The following LTBP1 variants were observed in gnomAD, a reference collection of about 807,000 sequenced individuals.
LTBP1 encodes the protein latent-transforming growth factor beta-binding protein 1.
LTBP1 carries 129 observed loss-of-function variants against 207.6 expected under a neutral mutation model. The observed-to-expected ratio is 0.62, with a 90% CI of 0.54 to 0.72. The LOEUF is 0.72. Ranked by LOEUF, LTBP1 falls within the 30% of genes least tolerant of loss-of-function variation. The probability of loss-of-function intolerance (pLI) is 0.00; values close to 1 mark genes in which losing one functional copy is unlikely to be tolerated. For synonymous variants in LTBP1, 963 were observed against 833.7 expected, an observed-to-expected ratio of 1.16 and a Z score of -2.67; for missense variants, 2,281 against 2,217.2, an observed-to-expected ratio of 1.03 and a Z score of -0.58.
At chr2:33,040,726 G>T (rs2076142727) in intron 3 of LTBP1, among the ~76,000 whole-genome samples, 1 of 152,220 alleles carries the variant, frequency 6.6e-6, no homozygotes, top group Non-Finnish European at 1.5e-5. Context: ...ACATTCAGAT[G>T]ATTGAACTAT....
At chr2:33,375,113 C>T (rs780602011) in intron 31 of LTBP1, among the ~76,000 whole-genome samples, 18 of 152,132 alleles carry the variant, frequency 1.2e-4, no homozygotes, top group Non-Finnish European at 2.4e-4. Context: ...TAATGTGATC[C>T]GTATGTTAAT....
intron 5 of LTBP1, among the ~76,000 whole-genome samples, chr2:33,186,074 TC>T (rs1312617449): frequency 6.6e-6 from 1 of 152,172 alleles, no homozygotes; most frequent in Non-Finnish European, 1.5e-5. Flanking sequence ...ATAAGTTAAT[TC>T]CAAACTAATT....
At chr2:32,978,562 A>G (rs911613050) in intron 2 of LTBP1, among the ~76,000 whole-genome samples, 1 of 151,790 alleles carries the variant, frequency 6.6e-6, no homozygotes, top group Non-Finnish European at 1.5e-5. Context: ...CTTGGTCATG[A>G]TGAATGATCT....
intron 2 of LTBP1, among the ~76,000 whole-genome samples, chr2:32,980,114 A>G (rs374569603): frequency 3.3e-5 from 5 of 151,570 alleles, no homozygotes; most frequent in African/African-American, 1.2e-4. Context: ...TTTTAAATGC[A>G]TTTAACCACT....
At chr2:33,057,449 C>T (rs901520062) in intron 3 of LTBP1, among the ~76,000 whole-genome samples, 9 of 152,240 alleles carry the variant, frequency 5.9e-5, no homozygotes, top group South Asian at 2.1e-4. Context: ...CTTGGGCAGT[C>T]GATGGGACTG....
intron 3 of LTBP1, among the ~76,000 whole-genome samples, chr2:33,064,405 G>T (rs554702911): frequency 6.6e-6 from 1 of 152,266 alleles, no homozygotes; most frequent in African/African-American, 2.4e-5. Flanking sequence ...GAAGACAGGA[G>T]AATCCTGGGT....
intron 5 of LTBP1, among the ~76,000 whole-genome samples, chr2:33,151,514 C>T (rs1365968450): frequency 6.6e-6 from 1 of 151,838 alleles, no homozygotes; most frequent in African/African-American, 2.4e-5. Flanking sequence ...TATTTGGTTG[C>T]ACGAGTAAGT....
At chr2:33,338,409 G>A (rs12624081) in intron 24 of LTBP1, among the ~76,000 whole-genome samples, 61,216 of 152,052 alleles carry the variant, frequency 0.4, 12,736 homozygotes, top group Non-Finnish European at 0.43. Flanking sequence ...TGTTCCTTCA[G>A]GAATCTGGAC....
At chr2:33,149,324 C>G (rs1426743168) in intron 5 of LTBP1, among the ~76,000 whole-genome samples, 1 of 151,544 alleles carries the variant, frequency 6.6e-6, no homozygotes, top group African/African-American at 2.4e-5. Context: ...TTGAGAAGGC[C>G]TGCTCCTTAG....
intron 15 of LTBP1, among the ~76,000 whole-genome samples, chr2:33,266,886 C>CAA (rs1189800648): frequency 1.4e-4 from 22 of 152,288 alleles, no homozygotes; most frequent in East Asian, 1.4e-3. Context: ...AGCTATGACA[C>CAA]AAACGGGGCT....
chr2:33,331,354 G>T (rs982106487), intron 24 of LTBP1, among the ~76,000 whole-genome samples: 3 of 151,328 alleles, frequency 2.0e-5, no homozygotes, highest in Non-Finnish European at 3.0e-5. Context: ...GTATTTATAG[G>T]TATATATTTC....
intron 9 of LTBP1, among the ~76,000 whole-genome samples, chr2:33,242,946 C>A (rs985745060): frequency 1.3e-5 from 2 of 152,120 alleles, no homozygotes; most frequent in Admixed American, 1.3e-4. Context: ...CTGAATTGTA[C>A]CAGCTCTGTT....
At chr2:33,125,570 C>T (rs548053938) in intron 4 of LTBP1, among the ~76,000 whole-genome samples, 11 of 152,082 alleles carry the variant, frequency 7.2e-5, no homozygotes, top group Admixed American at 4.6e-4. Context: ...CGGTGGCTCA[C>T]GCTTGTAATC....
intron 26 of LTBP1, among the ~76,000 whole-genome samples, chr2:33,352,948 G>A (rs1341651330): frequency 6.8e-6 from 1 of 146,818 alleles, no homozygotes; most frequent in African/African-American, 2.5e-5. Flanking sequence ...TGCCTACTGT[G>A]CCCTCCCCCT....
At chr2:33,123,318 GT>G (rs1183177417) in intron 4 of LTBP1, among the ~76,000 whole-genome samples, 13 of 152,198 alleles carry the variant, frequency 8.5e-5, no homozygotes, top group African/African-American at 3.1e-4. Context: ...TTCACCTTCA[GT>G]CAGTGAGTGT....
At chr2:32,955,584 C>G (rs1244755806) in intron 2 of LTBP1, among the ~76,000 whole-genome samples, 2 of 151,644 alleles carry the variant, frequency 1.3e-5, no homozygotes, top group African/African-American at 2.4e-5. Flanking sequence ...CATAGAGTGC[C>G]TTTTAAAAAA....
At chr2:33,168,479 C>G (rs2085132441) in intron 5 of LTBP1, among the ~76,000 whole-genome samples, 1 of 150,998 alleles carries the variant, frequency 6.6e-6, no homozygotes, top group East Asian at 1.9e-4. Context: ...TTTAATCTAT[C>G]AGATTATAAA....
intron 5 of LTBP1, among the ~76,000 whole-genome samples, chr2:33,151,836 TG>T (rs2083559895): frequency 1.8e-5 from 1 of 56,272 alleles, no homozygotes; most frequent in African/African-American, 8.0e-5. Context: ...TGTGTGTGTG[TG>T]TGTGTGTGTG....
intron 2 of LTBP1, among the ~76,000 whole-genome samples, chr2:32,999,695 G>C (rs1290835405): frequency 7.5e-6 from 1 of 133,700 alleles, no homozygotes; most frequent in African/African-American, 2.6e-5. Flanking sequence ...TTCAAGACCA[G>C]CCTGGCCAAT....
Sources: gnomAD v4.1 joint callset for allele counts (sites outside exome capture counted in the v4.1 genomes callset) on GRCh38, gnomAD v4.1.1 for gene constraint, MANE v1.5 for transcripts, NCBI Gene and HGNC (gene_info 2026-07-23, HGNC 2026-07-21) for gene names.